TRDN: variants seen among roughly 807,000 people sequenced by gnomAD.
The protein encoded by TRDN is triadin.
Under a neutral mutation model 149.7 loss-of-function variants are expected in TRDN, and 161 were observed. The observed-to-expected ratio is 1.08, with a 90% CI of 0.95 to 1.23. The LOEUF is 1.23. Among genes scored for constraint, TRDN ranks in the 50% most tolerant of loss-of-function variants. The pLI is 0.00. For missense variants in TRDN, 896 were observed against 823.5 expected, an observed-to-expected ratio of 1.09 and a Z score of -1.08; for synonymous variants, 294 against 250.5, an observed-to-expected ratio of 1.17 and a Z score of -1.64.
At chr6:123,334,696 T>C (rs577993650) in intron 22 of TRDN, among the ~76,000 whole-genome samples, 1 of 151,978 alleles carries the variant, frequency 6.6e-6, no homozygotes, top group Admixed American at 6.6e-5. Context: ...GACATATCAT[T>C]CTCCTGATTT....
rs898335984 is a variant in TRDN, at chr6:123,346,525, G to C, written c.1369+6014C>G. 9.9e-5 allele frequency among the ~76,000 whole-genome samples: 15 copies of C among 151,982 alleles called. No individual in the cohort carries two copies. In the Middle Eastern group the frequency reaches 0.01, roughly 103 times the overall value. ...TTGAGGTCCAAGACTCTCAAAAAGG[G>C]TTTGGTTGGAGTAAAATAAAAGCCG... On this transcript the variant is annotated intron_variant, in intron 21 of 40. Transcript: ENST00000334268.
chr6:123,530,429 C>T, intron 5 of TRDN, 77 bp downstream of exon 5: 1 of 879,164 alleles, frequency 1.1e-6, no homozygotes, highest in East Asian at 3.9e-5. Context: ...AAACACTAAA[C>T]ATGAAATTTT....
At position 123,230,533 on chromosome 6, in the gene TRDN, TA is replaced by T. The variant is rs398110638; in HGVS notation, c.1976-6403del. On this transcript the variant is annotated intron_variant, in intron 38 of 40. Coordinates refer to ENST00000334268, the MANE Select transcript of TRDN (RefSeq NM_006073.4). ...CACATATACCCTAGAACTTAAAGTA[TA>T]ATAATAATAATAATAATAATAAAAA... Among the ~76,000 whole-genome samples, 160 of 6,084 alleles carry T rather than the reference TA, an allele frequency of 0.026. No homozygotes were observed. In the African/African-American group the frequency reaches 0.35, roughly 13 times the overall value. 4.0% of individuals were successfully genotyped at this position (6,084 alleles called of 152,430 possible). A position where few individuals can be genotyped will look rare whatever the true frequency, so the allele number is the denominator to read the frequency against.
At chr6:123,430,524 G>C (rs990319217) in intron 12 of TRDN, among the ~76,000 whole-genome samples, 1 of 152,006 alleles carries the variant, frequency 6.6e-6, no homozygotes, top group African/African-American at 2.4e-5. Context: ...GGAGGTTGCA[G>C]TAAGCCGAGA....
At chr6:123,475,174 G>GA (rs1201996232) in intron 9 of TRDN, among the ~76,000 whole-genome samples, 1 of 149,174 alleles carries the variant, frequency 6.7e-6, no homozygotes, top group Non-Finnish European at 1.5e-5. Context: ...GACTAATAAA[G>GA]AAAAAAAGAG....
chr6:123,422,407 A>G (rs913929688), intron 12 of TRDN, among the ~76,000 whole-genome samples: 5 of 152,164 alleles, frequency 3.3e-5, no homozygotes, highest in Non-Finnish European at 5.9e-5. Flanking sequence ...GTTTTTATCC[A>G]AAACTTTAAC....
chr6:123,525,635 C>A (rs200396064), intron 5 of TRDN, among the ~76,000 whole-genome samples: 3 of 152,050 alleles, frequency 2.0e-5, no homozygotes, highest in East Asian at 3.9e-4. Flanking sequence ...AGAGCTCAAT[C>A]CCCATCATTA....
chr6:123,633,459 T>C (rs962646671), intron 1 of TRDN, among the ~76,000 whole-genome samples: 3 of 152,028 alleles, frequency 2.0e-5, no homozygotes. Context: ...GCACATTCTT[T>C]AAACTCTCTC....
At chr6:123,547,802 A>T (rs1781190936) in intron 3 of TRDN, among the ~76,000 whole-genome samples, 2 of 152,022 alleles carry the variant, frequency 1.3e-5, no homozygotes, top group African/African-American at 4.8e-5. Flanking sequence ...TATCTAATAG[A>T]TGGAATCACA....
chr6:123,466,958 A>G (rs565324612), intron 9 of TRDN, among the ~76,000 whole-genome samples: 31 of 152,212 alleles, frequency 2.0e-4, no homozygotes, highest in African/African-American at 7.0e-4. Context: ...TATACTATAT[A>G]TAAAATTATT....
intron 9 of TRDN, among the ~76,000 whole-genome samples, chr6:123,483,743 T>A (rs1226826724): frequency 2.6e-5 from 4 of 152,170 alleles, no homozygotes; most frequent in South Asian, 4.1e-4. Context: ...CTCCTTCTGG[T>A]TTGAAACTCT....
At chr6:123,533,972 A>T (rs771865272) in intron 4 of TRDN, among the ~76,000 whole-genome samples, 3 of 152,152 alleles carry the variant, frequency 2.0e-5, no homozygotes, top group Non-Finnish European at 2.9e-5. Context: ...CAGTTCTACA[A>T]CTTAGATCAG....
intron 21 of TRDN, among the ~76,000 whole-genome samples, chr6:123,339,236 C>T (rs1047381841): frequency 6.6e-6 from 1 of 151,942 alleles, no homozygotes; most frequent in African/African-American, 2.4e-5. Context: ...AACTCCTGAC[C>T]TCAAGTGATC....
At chr6:123,520,644 C>T (rs962608677) in intron 5 of TRDN, among the ~76,000 whole-genome samples, 9 of 152,228 alleles carry the variant, frequency 5.9e-5, no homozygotes, top group South Asian at 2.1e-4. Context: ...GATACTTACG[C>T]GTTAAATCAC....
chr6:123,221,454 G>T (rs752234070), intron 40 of TRDN, 33 bp downstream of exon 40: 9 of 1,473,654 alleles, frequency 6.1e-6, no homozygotes, highest in Admixed American at 5.5e-5. Context: ...AATACAGAAT[G>T]ATTTATTACT....
At chr6:123,381,720 T>C (rs1053084029) in intron 15 of TRDN, among the ~76,000 whole-genome samples, 1 of 152,022 alleles carries the variant, frequency 6.6e-6, no homozygotes, top group Non-Finnish European at 1.5e-5. Context: ...CAGGTATACT[T>C]GCCAAATGAA....
intron 21 of TRDN, among the ~76,000 whole-genome samples, chr6:123,346,547 G>C (rs548440081): frequency 1.3e-5 from 2 of 152,056 alleles, no homozygotes; most frequent in African/African-American, 4.8e-5. Flanking sequence ...TAAAATAAAA[G>C]CCGATGCTAT....
intron 38 of TRDN, among the ~76,000 whole-genome samples, chr6:123,231,139 TCTTTA>T (rs770797938): frequency 6.6e-6 from 1 of 152,036 alleles, no homozygotes; most frequent in Non-Finnish European, 1.5e-5. Context: ...AACTATTCTA[TCTTTA>T]CTTGCAAAGC....
intron 24 of TRDN, among the ~76,000 whole-genome samples, chr6:123,302,880 G>A (rs888825837): frequency 6.6e-6 from 1 of 152,064 alleles, no homozygotes; most frequent in African/African-American, 2.4e-5. Context: ...TGATGCTGAT[G>A]TTGTTCTTTG....
Sources: gnomAD v4.1 joint callset for allele counts (sites outside exome capture counted in the v4.1 genomes callset) on GRCh38, gnomAD v4.1.1 for gene constraint, MANE v1.5 for transcripts, NCBI Gene and HGNC (gene_info 2026-07-23, HGNC 2026-07-21) for gene names.